Variants in DLG2 observed in about 807,000 individuals in gnomAD.
DLG2 encodes the protein discs large MAGUK scaffold protein 2.
DLG2 carries 45 observed loss-of-function variants against 132.5 expected under a neutral mutation model. The ratio of observed to expected loss-of-function variants is 0.34; its 90% CI spans 0.27 to 0.44. The LOEUF (loss-of-function observed/expected upper bound fraction) is 0.44, where lower values mean the gene tolerates loss of function less well. Among genes scored for constraint, DLG2 ranks in the 20% least tolerant of loss-of-function variants. The pLI is 1.00. For missense variants in DLG2, 1,045 were observed against 1,196.9 expected (o/e 0.87, Z 1.87); for synonymous variants, 424 against 419.6 (o/e 1.01, Z -0.13).
At chr11:84,224,625 A>G (rs2096964129) in intron 8 of DLG2, among the ~76,000 whole-genome samples, 1 of 152,078 alleles carries the variant, frequency 6.6e-6, no homozygotes, top group South Asian at 2.1e-4. Context: ...ATTACCCCCA[A>G]CTCACAGAAA....
intron 6 of DLG2, among the ~76,000 whole-genome samples, chr11:84,565,916 C>T (rs976372333): frequency 1.9e-4 from 29 of 151,408 alleles, no homozygotes; most frequent in East Asian, 1.9e-4. Context: ...GTATTATTGA[C>T]ACCAACATAA....
At chr11:83,500,107 C>A (rs932231838) in intron 21 of DLG2, among the ~76,000 whole-genome samples, 1 of 151,700 alleles carries the variant, frequency 6.6e-6, no homozygotes, top group Admixed American at 6.6e-5. Flanking sequence ...CATGCCCCTT[C>A]GGTACTTTGC....
chr11:83,693,368 T>C (rs1291486727), intron 18 of DLG2, among the ~76,000 whole-genome samples: 1 of 152,022 alleles, frequency 6.6e-6, no homozygotes, highest in Admixed American at 6.6e-5. Flanking sequence ...TTCCCCAACT[T>C]TGGGGAAGCA....
intron 15 of DLG2, among the ~76,000 whole-genome samples, chr11:83,878,115 C>T (rs781563569): frequency 1.3e-5 from 2 of 152,150 alleles, no homozygotes; most frequent in Non-Finnish European, 2.9e-5. Context: ...CTCTGTTCTG[C>T]CATCTCATTT....
chr11:84,476,512 C>T (rs1052898057), intron 7 of DLG2, among the ~76,000 whole-genome samples: 1 of 152,140 alleles, frequency 6.6e-6, no homozygotes, highest in African/African-American at 2.4e-5. Context: ...AAAGCTATGA[C>T]ATTCAACCAA....
chr11:84,163,203 C>T (rs1004677009), intron 9 of DLG2, among the ~76,000 whole-genome samples: 10 of 152,082 alleles, frequency 6.6e-5, no homozygotes, highest in African/African-American at 2.4e-4. Context: ...GCTGTACAAG[C>T]TCATCAAACA....
chr11:84,877,626 C>T (rs971558845), intron 6 of DLG2, among the ~76,000 whole-genome samples: 10 of 148,336 alleles, frequency 6.7e-5, no homozygotes, highest in African/African-American at 2.5e-4. Context: ...GAATACAGCA[C>T]ACTGATGGGT....
intron 6 of DLG2, among the ~76,000 whole-genome samples, chr11:84,778,234 T>C (rs2071055556): frequency 6.6e-6 from 1 of 152,166 alleles, no homozygotes; most frequent in Non-Finnish European, 1.5e-5. Context: ...TGTATGTTCT[T>C]GTCAGGTCTA....
chr11:84,360,354 C>T (rs936191332), intron 7 of DLG2, among the ~76,000 whole-genome samples: 1 of 151,768 alleles, frequency 6.6e-6, no homozygotes, highest in African/African-American at 2.4e-5. Context: ...ATTTGAGGGC[C>T]AAATTCCTAC....
At chr11:85,390,170 T>A (rs2086675139) in intron 3 of DLG2, among the ~76,000 whole-genome samples, 1 of 151,778 alleles carries the variant, frequency 6.6e-6, no homozygotes, top group South Asian at 2.1e-4. Context: ...AGATATTCCA[T>A]GCAAATGAAC....
intron 6 of DLG2, among the ~76,000 whole-genome samples, chr11:84,936,430 A>G (rs1316136012): frequency 6.6e-6 from 1 of 152,178 alleles, no homozygotes; most frequent in African/African-American, 2.4e-5. Flanking sequence ...ATAAAAATTT[A>G]TGAAAAAATT....
chr11:83,762,542 T>C (rs1245684803), intron 18 of DLG2, among the ~76,000 whole-genome samples: 1 of 151,916 alleles, frequency 6.6e-6, no homozygotes, highest in Admixed American at 6.5e-5. Flanking sequence ...ATTTTCATGA[T>C]AAGGACAATG....
In DLG2 at chr11:83,586,969, G is replaced by T. The variant is rs545123651; in HGVS notation, c.1941-45111C>A. 3.9e-5 allele frequency among the ~76,000 whole-genome samples: 6 copies of T among 152,322 alleles called. No homozygotes were observed. The East Asian group carries it at 1.2e-3, about 29-fold the overall frequency. Reference sequence around the variant, plus strand: ...GCTATTTTCCTTGACACTAGTAAATGAGGCTTTCAAAGAAAAACAATCTGA... The same window carrying T: ...GCTATTTTCCTTGACACTAGTAAATTAGGCTTTCAAAGAAAAACAATCTGA... On this transcript the variant is annotated intron_variant, in intron 19 of 27. Coordinates refer to ENST00000376104, the MANE Select transcript of DLG2 (RefSeq NM_001142699.3).
intron 3 of DLG2, among the ~76,000 whole-genome samples, chr11:85,532,400 G>T (rs2153193262): frequency 6.6e-6 from 1 of 152,272 alleles, no homozygotes; most frequent in South Asian, 2.1e-4. Flanking sequence ...AAGGCTTTAG[G>T]TTTAGTGATT....
intron 7 of DLG2, among the ~76,000 whole-genome samples, chr11:84,517,128 G>A (rs1164190135): frequency 2.1e-5 from 3 of 146,082 alleles, no homozygotes; most frequent in Admixed American, 6.8e-5. Flanking sequence ...AAAAGCACAG[G>A]AAAAAAAAGC....
intron 21 of DLG2, among the ~76,000 whole-genome samples, chr11:83,503,420 T>TATATATAGATAG (rs1555118627): frequency 2.6e-5 from 2 of 78,370 alleles, no homozygotes; most frequent in Admixed American, 1.8e-4. Flanking sequence ...TATATATATA[T>TATATATAGATAG]ATAGATAGAT....
intron 8 of DLG2, among the ~76,000 whole-genome samples, chr11:84,245,626 T>C (rs1176936742): frequency 6.6e-6 from 1 of 152,202 alleles, no homozygotes; most frequent in Non-Finnish European, 1.5e-5. Context: ...GTAAAGGCAT[T>C]GTACTGCCAG....
intron 6 of DLG2, among the ~76,000 whole-genome samples, chr11:85,100,607 G>A (rs563941770): frequency 1.2e-4 from 18 of 152,096 alleles, no homozygotes; most frequent in Non-Finnish European, 2.1e-4. Flanking sequence ...GCATGCCAAT[G>A]CACTGTTAAT....
chr11:84,973,151 G>T (rs927321791), intron 6 of DLG2, among the ~76,000 whole-genome samples: 2 of 151,824 alleles, frequency 1.3e-5, no homozygotes, highest in Non-Finnish European at 2.9e-5. Context: ...TAGAGACGGG[G>T]TTTCGCCATG....
Sources: gnomAD v4.1 joint callset for allele counts (sites outside exome capture counted in the v4.1 genomes callset) on GRCh38, gnomAD v4.1.1 for gene constraint, MANE v1.5 for transcripts, NCBI Gene and HGNC (gene_info 2026-07-23, HGNC 2026-07-21) for gene names.